Variants in ERC2 observed in about 807,000 individuals in gnomAD.
ERC2 encodes the protein ERC protein 2.
A neutral mutation model predicts 114.8 loss-of-function variants in ERC2; 42 were observed. That is an observed-to-expected ratio of 0.37 (90% CI 0.29 to 0.47). The LOEUF (loss-of-function observed/expected upper bound fraction) is 0.47. Ranked by LOEUF, ERC2 falls within the 20% of genes least tolerant of loss-of-function variation. The probability of loss-of-function intolerance (pLI) is 0.99; values close to 1 mark genes in which losing one functional copy is unlikely to be tolerated. For missense variants in ERC2, 939 were observed against 1,150.7 expected, an observed-to-expected ratio of 0.82 and a Z score of 2.66; for synonymous variants, 454 against 425.5, an observed-to-expected ratio of 1.07 and a Z score of -0.82.
At chr3:55,592,443 T>C (rs1436796327) in intron 17 of ERC2, among the ~76,000 whole-genome samples, 8 of 152,160 alleles carry the variant, frequency 5.3e-5, no homozygotes, top group Non-Finnish European at 8.8e-5. Flanking sequence ...CTTTTGGGAT[T>C]TGGCTGACAA....
At chr3:55,916,973 T>C (rs1364047064) in intron 13 of ERC2, among the ~76,000 whole-genome samples, 2 of 152,164 alleles carry the variant, frequency 1.3e-5, no homozygotes, top group African/African-American at 4.8e-5. Context: ...TGCACTAAAG[T>C]GCAAAGCCAT....
chr3:56,049,905 C>T (rs2075682363), intron 7 of ERC2, among the ~76,000 whole-genome samples: 1 of 150,120 alleles, frequency 6.7e-6, no homozygotes, highest in African/African-American at 2.5e-5. Context: ...ACACAGATTT[C>T]CACAACTATA....
At chr3:56,219,673 C>CA (rs1560402322) in intron 3 of ERC2, among the ~76,000 whole-genome samples, 35 of 38,136 alleles carry the variant, frequency 9.2e-4, no homozygotes, top group Non-Finnish European at 2.2e-3. Context: ...GGCTCAAGTG[C>CA]GAAAAAAAAA....
chr3:55,789,050 CTT>C (rs5849113), intron 14 of ERC2, among the ~76,000 whole-genome samples: 2,560 of 151,872 alleles, frequency 0.017, 73 homozygotes, highest in African/African-American at 0.058. Context: ...TTTATTGTTT[CTT>C]TCTCTCTCAG....
At chr3:55,578,146 G>A (rs2057081227) in intron 17 of ERC2, among the ~76,000 whole-genome samples, 1 of 152,238 alleles carries the variant, frequency 6.6e-6, no homozygotes, top group Non-Finnish European at 1.5e-5. Flanking sequence ...GACTTCTGCA[G>A]TGGTCTACCC....
chr3:56,136,454 C>T (rs762719612), intron 6 of ERC2, among the ~76,000 whole-genome samples: 5 of 151,792 alleles, frequency 3.3e-5, no homozygotes, highest in South Asian at 2.1e-4. Flanking sequence ...TTTAGGTTCA[C>T]GGATACATGT....
chr3:55,934,040 G>A (rs567087246), intron 13 of ERC2, among the ~76,000 whole-genome samples: 1 of 152,186 alleles, frequency 6.6e-6, no homozygotes, highest in South Asian at 2.1e-4. Flanking sequence ...ATGTTTCATG[G>A]CAAGAAAATA....
intron 10 of ERC2, among the ~76,000 whole-genome samples, chr3:55,999,571 TA>T (rs1172643812): frequency 1.3e-5 from 2 of 151,710 alleles, no homozygotes; most frequent in Non-Finnish European, 2.9e-5. Flanking sequence ...CATACAAAAA[TA>T]AAAGAAATTT....
intron 17 of ERC2, among the ~76,000 whole-genome samples, chr3:55,680,626 G>A (rs1199317029): frequency 6.6e-6 from 1 of 152,200 alleles, no homozygotes; most frequent in Non-Finnish European, 1.5e-5. Flanking sequence ...TTGAAAGTAT[G>A]TGTGAGTGTG....
chr3:55,801,162 C>T (rs2071016543), intron 14 of ERC2, among the ~76,000 whole-genome samples: 1 of 152,094 alleles, frequency 6.6e-6, no homozygotes, highest in Non-Finnish European at 1.5e-5. Context: ...CCTGACTGAC[C>T]CATTCACTGT....
At chr3:56,135,535 C>T (rs149253780) in intron 6 of ERC2, among the ~76,000 whole-genome samples, 266 of 152,228 alleles carry the variant, frequency 1.7e-3, no homozygotes, top group Non-Finnish European at 3.0e-3. Context: ...AATGGTGATA[C>T]CATAATTTAT....
chr3:56,111,321 CTCTCTCTCTCTCAA>C (rs761493634), intron 6 of ERC2, among the ~76,000 whole-genome samples: 2,690 of 146,966 alleles, frequency 0.018, 62 homozygotes, highest in African/African-American at 0.042. Flanking sequence ...CCCTCTTTCT[CTCTCTCTCTCTCAA>C]TCTCTCTCCC....
chr3:55,814,289 T>A (rs907664785), intron 14 of ERC2, among the ~76,000 whole-genome samples: 1 of 152,196 alleles, frequency 6.6e-6, no homozygotes, highest in African/African-American at 2.4e-5. Context: ...TCCTTTTGAT[T>A]TTCATGACAA....
At chr3:55,834,935 A>T (rs898176388) in intron 14 of ERC2, among the ~76,000 whole-genome samples, 1 of 151,116 alleles carries the variant, frequency 6.6e-6, no homozygotes, top group African/African-American at 2.5e-5. Flanking sequence ...CCGATCCCAC[A>T]GAAATACAAA....
At chr3:55,575,022 G>GT (rs1343228051) in intron 17 of ERC2, among the ~76,000 whole-genome samples, 3 of 152,022 alleles carry the variant, frequency 2.0e-5, no homozygotes, top group East Asian at 1.9e-4. Flanking sequence ...CTTTCTTTCT[G>GT]TTTTTTTCTG....
chr3:56,144,479 C>T (rs932021588), intron 5 of ERC2, among the ~76,000 whole-genome samples: 9 of 152,180 alleles, frequency 5.9e-5, no homozygotes. Flanking sequence ...CACTCAAAAA[C>T]TTTCAACTCT....
intron 1 of ERC2, among the ~76,000 whole-genome samples, chr3:56,448,308 T>C (rs2062675247): frequency 6.6e-6 from 1 of 152,188 alleles, no homozygotes; most frequent in African/African-American, 2.4e-5. Context: ...AGAGTACAAA[T>C]GGATGCCCAG....
intron 14 of ERC2, among the ~76,000 whole-genome samples, chr3:55,778,082 T>C (rs1453985370): frequency 6.6e-6 from 1 of 152,190 alleles, no homozygotes; most frequent in African/African-American, 2.4e-5. Context: ...GAAAAAAATA[T>C]ATTTAAAAAA....
intron 3 of ERC2, among the ~76,000 whole-genome samples, chr3:56,291,506 A>G (rs2055082847): frequency 6.6e-6 from 1 of 152,178 alleles, no homozygotes; most frequent in South Asian, 2.1e-4. Context: ...AACTCCTGCC[A>G]ACTCCAAATC....
Sources: gnomAD v4.1 joint callset for allele counts (sites outside exome capture counted in the v4.1 genomes callset) on GRCh38, gnomAD v4.1.1 for gene constraint, MANE v1.5 for transcripts, NCBI Gene and HGNC (gene_info 2026-07-23, HGNC 2026-07-21) for gene names.